Variants in NECTIN1 observed in about 807,000 individuals in gnomAD.
NECTIN1 encodes nectin cell adhesion molecule 1.
A neutral mutation model predicts 48.0 loss-of-function variants in NECTIN1; 23 were observed. That is an observed-to-expected ratio of 0.48 (90% confidence interval 0.34 to 0.68). The LOEUF (loss-of-function observed/expected upper bound fraction) is 0.68, where lower values mean the gene tolerates loss of function less well. Ranked by LOEUF, NECTIN1 falls within the 30% of genes least tolerant of loss-of-function variation. NECTIN1 has a pLI of 0.01. For synonymous variants in NECTIN1, 270 were observed against 288.9 expected, an observed-to-expected ratio of 0.93 and a Z score of 0.66; for missense variants, 591 against 709.9, an observed-to-expected ratio of 0.83 and a Z score of 1.90.
At chr11:119,720,303 C>T (rs1331553345) in intron 1 of NECTIN1, among the ~76,000 whole-genome samples, 3 of 152,258 alleles carry the variant, frequency 2.0e-5, no homozygotes, top group African/African-American at 2.4e-5. Flanking sequence ...AGAACAGTCA[C>T]AGCAGCTGCC....
chr11:119,650,601 T>C (rs968259009), intron 5 of NECTIN1, among the ~76,000 whole-genome samples: 1 of 152,188 alleles, frequency 6.6e-6, no homozygotes, highest in African/African-American at 2.4e-5. Context: ...TATATGGCTC[T>C]GCCCTTCACA....
downstream of NECTIN1, among the ~76,000 whole-genome samples, chr11:119,657,004 C>CG (rs1310867202): frequency 5.3e-5 from 8 of 152,184 alleles, no homozygotes; most frequent in African/African-American, 1.7e-4. Context: ...ACCTGCTTCA[C>CG]GAGGATTACG....
At chr11:119,708,387 TAGATG>T (rs1865582958) in intron 1 of NECTIN1, among the ~76,000 whole-genome samples, 1 of 152,148 alleles carries the variant, frequency 6.6e-6, no homozygotes, top group Admixed American at 6.5e-5. Context: ...GGCTTTGTAT[TAGATG>T]AGGGTCTGAA....
At chr11:119,726,696 G>A (rs1275081001) in intron 1 of NECTIN1, among the ~76,000 whole-genome samples, 6 of 152,166 alleles carry the variant, frequency 3.9e-5, no homozygotes, top group Non-Finnish European at 8.8e-5. Flanking sequence ...AAAGGAAGGA[G>A]AATAGGGTGA....
chr11:119,728,490 C>T lies in NECTIN1; in HGVS notation c.64G>A (p.Ala22Thr), dbSNP rs772078803. The change falls in exon 1 of 6, where the codon GCA becomes ACA. Residue 22 changes from alanine to threonine, a missense_variant. Physicochemically the swap from Ala to Thr is moderately conservative, Grantham distance 58 (BLOSUM62 0). Coordinates refer to ENST00000264025, the MANE Select transcript of NECTIN1 (RefSeq NM_002855.5). ...RWWGLALGLTAFFLPGVHSQV... is the reference protein window; with the variant it reads ...RWWGLALGLTTFFLPGVHSQV... ...GCGCTCTTACCTGGGAGGAAGAATGCGGTCAAGCCGAGAGCGAGTCCCCAC... is the reference window on the plus strand; with the variant it reads ...GCGCTCTTACCTGGGAGGAAGAATGTGGTCAAGCCGAGAGCGAGTCCCCAC... 1.9e-6 allele frequency: 3 copies of T among 1,601,268 alleles called. No homozygotes were observed. Among genetic ancestry groups the T allele is most frequent in the South Asian group, 1.1e-5 (1 of 88,968 alleles).
At chr11:119,660,037 T>C (rs768830656), downstream of NECTIN1, among the ~76,000 whole-genome samples, 33 of 152,180 alleles carry the variant, frequency 2.2e-4, no homozygotes, top group Non-Finnish European at 2.8e-4. Flanking sequence ...CTTCTCCTTC[T>C]GCACGCCTAC....
chr11:119,638,933 G>T, intron 6 of NECTIN1: 1 of 844,292 alleles, frequency 1.2e-6, no homozygotes, highest in Non-Finnish European at 1.9e-6. Flanking sequence ...CTGCTTCCCA[G>T]GCAGCCTCCT....
intron 5 of NECTIN1, among the ~76,000 whole-genome samples, chr11:119,648,645 C>G (rs2135530351): frequency 6.6e-6 from 1 of 152,022 alleles, no homozygotes; most frequent in Middle Eastern, 3.4e-3. Flanking sequence ...CTAAAAACAG[C>G]TATGTTCCAG....
chr11:119,654,409 G>C (rs564103641), intron 5 of NECTIN1, among the ~76,000 whole-genome samples: 1 of 152,126 alleles, frequency 6.6e-6, no homozygotes, highest in Non-Finnish European at 1.5e-5. Context: ...CTGTGTAAGA[G>C]GGGGTAGGCC....
chr11:119,652,093 A>G (rs920854197), intron 5 of NECTIN1, among the ~76,000 whole-genome samples: 1 of 151,980 alleles, frequency 6.6e-6, no homozygotes, highest in South Asian at 2.1e-4. Context: ...TTCTCTTCCA[A>G]CCCATTATAG....
chr11:119,638,131 T>C, exon 8 of NECTIN1: 1 of 1,613,736 alleles, frequency 6.2e-7, no homozygotes, highest in Non-Finnish European at 8.5e-7. Context: ...CGGTTGTCCT[T>C]ACCGAGGGGT....
chr11:119,699,026 C>T (rs1484879102), intron 1 of NECTIN1, among the ~76,000 whole-genome samples: 3 of 152,142 alleles, frequency 2.0e-5, no homozygotes, highest in Non-Finnish European at 4.4e-5. Flanking sequence ...ATTGTTTCCT[C>T]GAAAATCAGC....
At chr11:119,722,589 G>A (rs181154568) in intron 1 of NECTIN1, among the ~76,000 whole-genome samples, 2 of 152,348 alleles carry the variant, frequency 1.3e-5, no homozygotes, top group Admixed American at 6.5e-5. Context: ...AGTGACAGGC[G>A]GCAGAACAAA....
At chr11:119,717,427 G>A (rs993679780) in intron 1 of NECTIN1, among the ~76,000 whole-genome samples, 7 of 152,180 alleles carry the variant, frequency 4.6e-5, no homozygotes, top group African/African-American at 1.2e-4. Flanking sequence ...GTGCCTCAAC[G>A]GCAGGGCTGG....
intron 1 of NECTIN1, among the ~76,000 whole-genome samples, chr11:119,725,677 C>A (rs1287567222): frequency 1.3e-5 from 2 of 152,214 alleles, no homozygotes; most frequent in Non-Finnish European, 2.9e-5. Context: ...ATTTCAAAGA[C>A]CACATGGCAG....
chr11:119,660,208 G>A (rs1233256257), downstream of NECTIN1, among the ~76,000 whole-genome samples: 1 of 145,428 alleles, frequency 6.9e-6, no homozygotes, highest in Non-Finnish European at 1.5e-5. Context: ...ATGCTACTGG[G>A]TGCGGGGGGT....
intron 1 of NECTIN1, among the ~76,000 whole-genome samples, chr11:119,704,704 C>A (rs1045750730): frequency 1.1e-4 from 16 of 152,130 alleles, no homozygotes; most frequent in African/African-American, 2.4e-5. Context: ...TCCATCTCCT[C>A]CGTGGGGTAT....
At position 119,644,758 on chromosome 11, in the gene NECTIN1, G is replaced by A. The variant is rs193092308; in HGVS notation, c.1004-4746C>T. On this transcript the variant is annotated intron_variant, in intron 5 of 7. Transcript: ENST00000341398. ...TGTAGGCAGAGTGAGGAGGGCTACC[G>A]GGGCACGTGTGTGAAATGTGGGGTA... Among the ~76,000 whole-genome samples the A allele has an allele frequency of 7.9e-5, 12 of 152,260 alleles. 1 individual carries two copies. The highest frequency in any genetic ancestry group is 2.6e-4 in the African/African-American group (11 of 41,536).
At chr11:119,691,856 G>A (rs761212527) in intron 1 of NECTIN1, among the ~76,000 whole-genome samples, 9 of 152,086 alleles carry the variant, frequency 5.9e-5, no homozygotes, top group Non-Finnish European at 7.4e-5. Flanking sequence ...CCCAGCTCCC[G>A]GCTGTCATCC....
Sources: gnomAD v4.1 joint callset for allele counts (sites outside exome capture counted in the v4.1 genomes callset) on GRCh38, gnomAD v4.1.1 for gene constraint, MANE v1.5 for transcripts, NCBI Gene and HGNC (gene_info 2026-07-23, HGNC 2026-07-21) for gene names.